HMG20A: variants seen among roughly 807,000 people sequenced by gnomAD.
HMG20A encodes the protein high mobility group protein 20A.
Under a neutral mutation model 43.9 loss-of-function variants are expected in HMG20A, and 17 were observed. That is an observed-to-expected ratio of 0.39 (90% CI 0.27 to 0.58). The LOEUF is 0.58. Among genes scored for constraint, HMG20A ranks in the 20% least tolerant of loss-of-function variants. The pLI, the probability that HMG20A is intolerant of heterozygous loss-of-function variation, is 0.59. For synonymous variants in HMG20A, 132 were observed against 147.5 expected (o/e 0.89, Z 0.76); for missense variants, 341 against 438.2 (o/e 0.78, Z 1.98).
chr15:77,507,019 C>A, the HMG20A span, among the ~76,000 whole-genome samples: 4 of 152,228 alleles, frequency 2.6e-5, no homozygotes, highest in Admixed American at 1.3e-4. Context: ...GCACAGGGCC[C>A]TCCTTCATGT....
rs1222189560 is a variant in HMG20A, at chr15:77,458,231, C to T, written c.-4-173C>T. Reference sequence around the variant, plus strand: ...TTGATAAGACCAAGGTTAAAAGGCCCATTTACCATACAGTTTAAATTGATG... The same window carrying T: ...TTGATAAGACCAAGGTTAAAAGGCCTATTTACCATACAGTTTAAATTGATG... On this transcript the variant is annotated intron_variant, in intron 1 of 9. Transcript: ENST00000336216. 3.0e-5 allele frequency: 15 copies of T among 499,984 alleles called. No individual in the cohort carries two copies. The East Asian group carries it at 5.3e-4, about 18-fold the overall frequency. 31.0% of individuals were successfully genotyped at this position (499,984 alleles called of 1,614,324 possible). A position where few individuals can be genotyped will look rare whatever the true frequency, so the allele number is the denominator to read the frequency against.
Position 77,484,190 on chromosome 15 carries a change from C to T in HMG20A, c.*1227C>T, listed in dbSNP as rs899572178. ...CCCAGGCTGGAGTGCGGTGGCTATTCACAGATGCTATCATAGCACACTACA... is the reference window on the plus strand; with the variant it reads ...CCCAGGCTGGAGTGCGGTGGCTATTTACAGATGCTATCATAGCACACTACA... On this transcript the variant is annotated 3_prime_UTR_variant, in exon 10 of 10. Coordinates refer to ENST00000336216, the MANE Select transcript of HMG20A (RefSeq NM_001304504.2). 6.6e-6 allele frequency: 1 copy of T among 152,184 alleles called. No individual in the cohort carries two copies. The highest frequency in any genetic ancestry group is 2.4e-5 in the African/African-American group (1 of 41,422). 9.4% of individuals were successfully genotyped at this position (152,184 alleles called of 1,614,324 possible). A position where few individuals can be genotyped will look rare whatever the true frequency, so the allele number is the denominator to read the frequency against.
chr15:77,464,176 T>G, intron 2 of HMG20A, 64 bp from the exon 3 acceptor site: 2 of 1,567,756 alleles, frequency 1.3e-6, no homozygotes, highest in Non-Finnish European at 1.7e-6. Context: ...GCAGGGAAAT[T>G]TATCTAGAAC....
chr15:77,424,934 A>G (rs529126436), intron 1 of HMG20A, among the ~76,000 whole-genome samples: 2 of 152,200 alleles, frequency 1.3e-5, no homozygotes, highest in East Asian at 1.9e-4. Flanking sequence ...ATTCATCTAC[A>G]CATCCAAACG....
At chr15:77,427,746 T>A (rs1002091931) in intron 1 of HMG20A, among the ~76,000 whole-genome samples, 1 of 152,202 alleles carries the variant, frequency 6.6e-6, no homozygotes, top group Non-Finnish European at 1.5e-5. Context: ...GCTGTCCTTA[T>A]TTTCTGAATA....
downstream of HMG20A, among the ~76,000 whole-genome samples, chr15:77,489,764 T>A (rs1381769091): frequency 2.6e-5 from 4 of 152,190 alleles, no homozygotes; most frequent in South Asian, 8.3e-4. Flanking sequence ...GCTGAAATCC[T>A]GAGGCAGGAA....
intron 1 of HMG20A, among the ~76,000 whole-genome samples, chr15:77,453,356 A>G (rs954986799): frequency 4.6e-5 from 7 of 152,236 alleles, no homozygotes; most frequent in Middle Eastern, 3.2e-3. Flanking sequence ...TCATTAGGAA[A>G]ATATGAACCA....
chr15:77,423,824 G>A (rs566985774), intron 1 of HMG20A, among the ~76,000 whole-genome samples: 9 of 152,224 alleles, frequency 5.9e-5, no homozygotes, highest in South Asian at 2.1e-4. Context: ...TGTTTTTGCC[G>A]TAGGGTTGAG....
chr15:77,479,397 A>G, intron 9 of HMG20A, 76 bp downstream of exon 9: 7 of 1,381,292 alleles, frequency 5.1e-6, no homozygotes, highest in South Asian at 2.6e-5. Flanking sequence ...TATCAATACT[A>G]CTAAAACCCT....
At chr15:77,423,865 G>T (rs766495314) in intron 1 of HMG20A, among the ~76,000 whole-genome samples, 6 of 152,044 alleles carry the variant, frequency 3.9e-5, no homozygotes, top group Admixed American at 6.6e-5. Flanking sequence ...GAACCTGAAT[G>T]GTTTTTCACC....
At chr15:77,431,195 GTTTA>G (rs917163557) in intron 1 of HMG20A, among the ~76,000 whole-genome samples, 10 of 152,044 alleles carry the variant, frequency 6.6e-5, no homozygotes, top group African/African-American at 1.9e-4. Flanking sequence ...TACCTACTTG[GTTTA>G]TTTATTTTTT....
chr15:77,473,839 G>A (rs546850641), intron 6 of HMG20A, among the ~76,000 whole-genome samples: 11 of 152,294 alleles, frequency 7.2e-5, no homozygotes, highest in Admixed American at 2.6e-4. Context: ...TTCTTAAAAG[G>A]TTATACAGTA....
chr15:77,478,063 T>G, intron 7 of HMG20A: 1 of 564,536 alleles, frequency 1.8e-6, no homozygotes. Context: ...TTGAAACTGT[T>G]TGTTGCAATC....
At chr15:77,488,493 A>C (rs920209710), downstream of HMG20A, among the ~76,000 whole-genome samples, 2 of 152,194 alleles carry the variant, frequency 1.3e-5, no homozygotes, top group African/African-American at 4.8e-5. Context: ...TTACCTGATG[A>C]GATATTTTTT....
At chr15:77,437,230 C>T (rs760178718) in intron 1 of HMG20A, among the ~76,000 whole-genome samples, 13 of 152,148 alleles carry the variant, frequency 8.5e-5, no homozygotes, top group Non-Finnish European at 1.6e-4. Flanking sequence ...ATTTGCTGAA[C>T]GTCTTTCATC....
chr15:77,503,809 C>T, the HMG20A span, among the ~76,000 whole-genome samples: 5 of 152,236 alleles, frequency 3.3e-5, no homozygotes, highest in Middle Eastern at 0.01. Flanking sequence ...GGGGTAGGGC[C>T]CAAGAGTCTG....
intron 1 of HMG20A, among the ~76,000 whole-genome samples, chr15:77,426,133 C>CT (rs2073425201): frequency 6.6e-6 from 1 of 152,042 alleles, no homozygotes. Flanking sequence ...ATGGAGTTTC[C>CT]TTTGGAAGTG....
intron 1 of HMG20A, among the ~76,000 whole-genome samples, chr15:77,431,172 GT>G (rs1269464163): frequency 6.6e-6 from 1 of 151,788 alleles, no homozygotes; most frequent in African/African-American, 2.4e-5. Flanking sequence ...TTTTTTGTTT[GT>G]TTTTTTGCTT....
intron 1 of HMG20A, among the ~76,000 whole-genome samples, chr15:77,424,317 G>A (rs1440171206): frequency 1.3e-5 from 2 of 152,106 alleles, no homozygotes; most frequent in African/African-American, 2.4e-5. Flanking sequence ...TTTGTATTGT[G>A]AAAACAAATG....
Sources: gnomAD v4.1 joint callset for allele counts (sites outside exome capture counted in the v4.1 genomes callset) on GRCh38, gnomAD v4.1.1 for gene constraint, MANE v1.5 for transcripts, NCBI Gene and HGNC (gene_info 2026-07-23, HGNC 2026-07-21) for gene names.